KCNAB1: variants seen among roughly 807,000 people sequenced by gnomAD.
The protein encoded by KCNAB1 is voltage-gated potassium channel subunit beta-1.
In KCNAB1, 35 loss-of-function variants were observed where a neutral mutation model predicts 64.6. That is an observed-to-expected ratio of 0.54 (90% CI 0.41 to 0.72). The LOEUF (loss-of-function observed/expected upper bound fraction) is 0.72, where lower values mean the gene tolerates loss of function less well. Among genes scored for constraint, KCNAB1 ranks in the 30% least tolerant of loss-of-function variants. The probability of loss-of-function intolerance (pLI) is 0.00; values close to 1 mark genes in which losing one functional copy is unlikely to be tolerated. For synonymous variants in KCNAB1, 177 were observed against 183.8 expected (o/e 0.96, Z 0.30); for missense variants, 401 against 512.9 (o/e 0.78, Z 2.11).
intron 7 of KCNAB1, among the ~76,000 whole-genome samples, chr3:156,474,383 G>A (rs1252509941): frequency 6.6e-6 from 1 of 152,118 alleles, no homozygotes; most frequent in Non-Finnish European, 1.5e-5. Context: ...AATTTGCATT[G>A]TTCAAGAAGA....
Position 156,291,048 on chromosome 3 carries a change from T to C in KCNAB1, c.276-130568T>C, listed in dbSNP as rs557384175. ...CTCTGCCTTCCCCCAGTTCCAACTG[T>C]TGTGCTGCAGCAGATTTGGTCTGAG... On this transcript the variant is annotated intron_variant, in intron 1 of 13. Transcript: ENST00000490337. 6.1e-6 allele frequency: 6 copies of C among 985,708 alleles called. No individual in the cohort carries two copies. In the East Asian group the frequency reaches 6.8e-4, roughly 112 times the overall value. The allele number at this position is 985,708 out of a possible 1,614,324, so 61.1% of individuals were successfully genotyped here. A position where few individuals can be genotyped will look rare whatever the true frequency, so the allele number is the denominator to read the frequency against.
At chr3:156,310,791 G>A (rs552729629) in intron 1 of KCNAB1, among the ~76,000 whole-genome samples, 17 of 152,162 alleles carry the variant, frequency 1.1e-4, no homozygotes, top group East Asian at 7.7e-4. Flanking sequence ...GTGACAGAGC[G>A]GGACTCCTCT....
At chr3:156,421,509 T>A in intron 1 of KCNAB1, 107 bp from the exon 2 acceptor site, 23 of 1,079,878 alleles carry the variant, frequency 2.1e-5, no homozygotes, top group Non-Finnish European at 2.7e-5. Context: ...TCTGCCTCTA[T>A]CAGGACTCAT....
chr3:156,214,936 C>A (rs554670243), intron 1 of KCNAB1, among the ~76,000 whole-genome samples: 1 of 152,132 alleles, frequency 6.6e-6, no homozygotes, highest in African/African-American at 2.4e-5. Context: ...GGGTGTACAG[C>A]CTTCCTTGGA....
At position 156,296,764 on chromosome 3, in the gene KCNAB1, T is replaced by C. The variant is rs148883280; in HGVS notation, c.276-124852T>C. Among the ~76,000 whole-genome samples the C allele has an allele frequency of 3.7e-3, 559 of 152,252 alleles. 4 individuals are homozygous for C. Among genetic ancestry groups the C allele is most frequent in the African/African-American group, 0.013 (533 of 41,558 alleles). On this transcript the variant is annotated intron_variant, in intron 1 of 13. Transcript: ENST00000490337. ...CTGGAATTACAGGCGTGAGCCACCG[T>C]GCCCGGCCAACTTTTTCCCCATTTT... is the stretch of plus-strand genomic sequence containing the variant.
chr3:156,389,519 G>A (rs1230454667), intron 1 of KCNAB1, among the ~76,000 whole-genome samples: 1 of 152,176 alleles, frequency 6.6e-6, no homozygotes, highest in African/African-American at 2.4e-5. Flanking sequence ...ATCTGTTTAT[G>A]GCAGTGATTC....
At chr3:156,253,114 C>T (rs919385349) in intron 1 of KCNAB1, among the ~76,000 whole-genome samples, 2 of 152,144 alleles carry the variant, frequency 1.3e-5, no homozygotes, top group Admixed American at 6.5e-5. Flanking sequence ...TAACTAAATC[C>T]GTGGGTGTCA....
At chr3:156,130,151 A>T (rs1376319809) in intron 1 of KCNAB1, among the ~76,000 whole-genome samples, 1 of 152,218 alleles carries the variant, frequency 6.6e-6, no homozygotes, top group Non-Finnish European at 1.5e-5. Flanking sequence ...TAAAGATTAG[A>T]TCCAAAGTAT....
intron 1 of KCNAB1, among the ~76,000 whole-genome samples, chr3:156,413,190 G>A (rs1363915887): frequency 1.3e-5 from 2 of 152,202 alleles, no homozygotes; most frequent in Non-Finnish European, 2.9e-5. Context: ...AGTGGGGATA[G>A]AAGGCATCCT....
At chr3:156,141,639 A>G (rs995723934) in intron 1 of KCNAB1, among the ~76,000 whole-genome samples, 1 of 152,132 alleles carries the variant, frequency 6.6e-6, no homozygotes, top group Non-Finnish European at 1.5e-5. Flanking sequence ...TCGTAGTATG[A>G]ATATGCCACA....
chr3:156,302,089 C>T (rs116253389), intron 1 of KCNAB1, among the ~76,000 whole-genome samples: 1,842 of 152,230 alleles, frequency 0.012, 28 homozygotes, highest in African/African-American at 0.043. Flanking sequence ...TTGCCTTTTT[C>T]GGCTTCTAGA....
At chr3:156,240,638 C>T (rs150729511) in intron 1 of KCNAB1, among the ~76,000 whole-genome samples, 1 of 152,308 alleles carries the variant, frequency 6.6e-6, no homozygotes, top group Non-Finnish European at 1.5e-5. Context: ...CCTTATATTA[C>T]CATCCTATCC....
rs1443946624 is a variant in KCNAB1, at chr3:156,375,890, G to T, written c.276-45726G>T. On this transcript the variant is annotated intron_variant, in intron 1 of 13. Coordinates refer to ENST00000490337, the MANE Select transcript of KCNAB1 (RefSeq NM_172160.3). ...GCTGGAGTGCAATGGCACAATCTCG[G>T]CTCATTGCAACCATCCCCTCCTGGG... 3.5e-5 allele frequency among the ~76,000 whole-genome samples: 3 copies of T among 85,232 alleles called. 1 individual carries two copies. Among genetic ancestry groups the T allele is most frequent in the Non-Finnish European group, 6.8e-5 (3 of 43,938 alleles). 55.9% of individuals were successfully genotyped at this position (85,232 alleles called of 152,430 possible).
At chr3:156,161,899 AAATG>A (rs1251613144) in intron 1 of KCNAB1, among the ~76,000 whole-genome samples, 3 of 152,242 alleles carry the variant, frequency 2.0e-5, no homozygotes, top group African/African-American at 4.8e-5. Context: ...ACTCAGATGA[AAATG>A]AATGAAGAAT....
At chr3:156,234,779 C>A (rs1716754197) in intron 1 of KCNAB1, among the ~76,000 whole-genome samples, 1 of 152,140 alleles carries the variant, frequency 6.6e-6, no homozygotes, top group Non-Finnish European at 1.5e-5. Context: ...ATGTACAGAG[C>A]AGGCTGAGTT....
rs1286478546 is a variant in KCNAB1 at position 156,538,441 on chromosome 3, G to GTGT, written c.*1696_*1698dup. Reference sequence around the variant, plus strand: ...AACAGAGAGTTTGAATTTTTTGCCCGTGTTATCAGAATGATGGAAATTGAT... The same window carrying GTGT: ...AACAGAGAGTTTGAATTTTTTGCCCGTGTTGTTATCAGAATGATGGAAATTGAT... On this transcript the variant is annotated 3_prime_UTR_variant, in exon 14 of 14. Coordinates refer to ENST00000490337, the MANE Select transcript of KCNAB1 (RefSeq NM_172160.3). The GTGT allele has an allele frequency of 6.6e-6, 1 of 152,062 alleles. No homozygotes were observed. The highest frequency in any genetic ancestry group is 1.5e-5 in the Non-Finnish European group (1 of 68,016). 9.4% of individuals were successfully genotyped at this position (152,062 alleles called of 1,614,324 possible).
intron 4 of KCNAB1, among the ~76,000 whole-genome samples, chr3:156,457,795 T>G (rs2293198): frequency 0.5 from 75,956 of 152,050 alleles, 19,218 homozygotes; most frequent in Middle Eastern, 0.6. Context: ...GCAATTGCCA[T>G]GTCTATGTGA....
intron 11 of KCNAB1, among the ~76,000 whole-genome samples, chr3:156,518,637 T>C (rs906329271): frequency 6.6e-5 from 10 of 152,198 alleles, no homozygotes; most frequent in Non-Finnish European, 1.5e-4. Context: ...AAGATGTTAA[T>C]ATTTTGCATC....
At chr3:156,182,629 T>TC (rs71138700) in intron 1 of KCNAB1, among the ~76,000 whole-genome samples, 3,920 of 120,440 alleles carry the variant, frequency 0.033, 192 homozygotes, top group African/African-American at 0.1. Flanking sequence ...GGTTTTTTTT[T>TC]CCCCCCCCCG....
Sources: allele counts gnomAD v4.1 joint callset (sites outside exome capture counted in the v4.1 genomes callset), GRCh38; gene constraint gnomAD v4.1.1; transcripts MANE v1.5; gene names NCBI Gene and HGNC (gene_info 2026-07-23, HGNC 2026-07-21).